Variants in FETUB observed in about 807,000 individuals in gnomAD.
FETUB encodes fetuin-B.
FETUB carries 28 observed loss-of-function variants against 30.9 expected under a neutral mutation model. The ratio of observed to expected loss-of-function variants is 0.90; its 90% CI spans 0.67 to 1.24. The LOEUF is 1.24. Ranked by LOEUF, FETUB falls within the 50% of genes most tolerant of loss-of-function variation. The pLI is 0.00. For missense variants in FETUB, 469 were observed against 455.3 expected (o/e 1.03, Z -0.27); for synonymous variants, 186 against 175.9 (o/e 1.06, Z -0.45).
At position 186,651,287 on chromosome 3, in the gene FETUB, T is replaced by C; in HGVS notation, c.766T>C (p.Phe256Leu). ...AAAGTTTGTCTCTGTGACTTGTGAC[T>C]TCTTTGAATCACAGGTATTTTTCAA... ...WEKFVSVTCD[F>L]FESQAPATGS... Residue 256 changes from phenylalanine to leucine, a missense_variant, in exon 6 of 7, where the codon TTC (phenylalanine) becomes CTC (leucine). Coordinates refer to ENST00000265029, the MANE Select transcript of FETUB (RefSeq NM_014375.3). 6.2e-7 allele frequency: 1 copy of C among 1,610,838 alleles called. No homozygotes were observed. Among genetic ancestry groups the C allele is most frequent in the African/African-American group, 1.3e-5 (1 of 75,002 alleles).
chr3:186,640,359 A>C, upstream of FETUB: 2 of 845,190 alleles, frequency 2.4e-6, no homozygotes, highest in Non-Finnish European at 3.9e-6. Context: ...TAGCCCTTCC[A>C]GTTGTAACAA....
chr3:186,642,605 G>A (rs369829663), intron 3 of FETUB, 47 bp downstream of exon 3: 1 of 1,167,742 alleles, frequency 8.6e-7, no homozygotes, highest in Non-Finnish European at 1.3e-6. Flanking sequence ...GGATGGAAAA[G>A]AGTACTTAAC....
intron 4 of FETUB, 107 bp from the exon 5 acceptor site, chr3:186,646,141 T>G (rs1717513845): frequency 2.7e-6 from 2 of 730,996 alleles, no homozygotes; most frequent in Non-Finnish European, 4.9e-6. Context: ...GCCTTGACAA[T>G]GCCTCTGGTG....
Position 186,644,940 on chromosome 3 carries a change from A to G in FETUB, c.594+20A>G. The G allele has an allele frequency of 3.8e-6, 6 of 1,597,840 alleles. No individual in the cohort carries two copies. The highest frequency in any genetic ancestry group is 4.3e-6 in the Non-Finnish European group (5 of 1,170,866). On this transcript the variant is annotated intron_variant, in intron 4 of 6. Transcript: ENST00000265029. ...AGCCAGGTAAGGCTAAAACTGCCCA[A>G]GCCAGTTACACAGTGTGTCTCATAA...
At chr3:186,648,960 C>T (rs989556487) in intron 5 of FETUB, among the ~76,000 whole-genome samples, 1 of 152,128 alleles carries the variant, frequency 6.6e-6, no homozygotes, top group African/African-American at 2.4e-5. Flanking sequence ...TTACTTCTCC[C>T]TTTTAAATCT....
Position 186,652,733 on chromosome 3 carries a change from T to TGGCTGAGTGCCCAGGGCCAGCCCA in FETUB, c.*103_*104insGCTGAGTGCCCAGGGCCAGCCCAG. 1 of 1,384,626 alleles carries TGGCTGAGTGCCCAGGGCCAGCCCA rather than the reference T, an allele frequency of 7.2e-7. No individual in the cohort carries two copies. 85.8% of individuals were successfully genotyped at this position (1,384,626 alleles called of 1,614,324 possible). Reference sequence around the variant, plus strand: ...GAGCGTGCACACGTAGAGTGGCTAGTGAAGGACGCCTTTTTGACTCTTCTT... The same window carrying TGGCTGAGTGCCCAGGGCCAGCCCA: ...GAGCGTGCACACGTAGAGTGGCTAGTGGCTGAGTGCCCAGGGCCAGCCCAGAAGGACGCCTTTTTGACTCTTCTT... On this transcript the variant is annotated 3_prime_UTR_variant, in exon 7 of 7. Transcript: ENST00000265029.
At chr3:186,643,593 T>C (rs1717249612) in intron 3 of FETUB, among the ~76,000 whole-genome samples, 1 of 152,202 alleles carries the variant, frequency 6.6e-6, no homozygotes, top group South Asian at 2.1e-4. Context: ...TTAAGGTTCC[T>C]GGTTGTGAAG....
In FETUB at chr3:186,640,510, G is replaced by T. The variant is rs1716945347; in HGVS notation, c.50G>T (p.Gly17Val). 6.2e-7 allele frequency: 1 copy of T among 1,614,216 alleles called. No homozygotes were observed. The highest frequency in any genetic ancestry group is 1.7e-5 in the Admixed American group (1 of 60,026). ...LALCILVLCC[G>V]AMSPPQLALN... ...CTCTGCATCCTAGTCCTGTGCTGCG[G>T]AGCAATGTCTCCACCCCAGCTGGCC... The change falls in exon 1 of 7, where the codon GGA becomes GTA. Residue 17 changes from glycine (G) to valine (V), a missense_variant. Physicochemically the swap from Gly to Val is moderately radical, Grantham distance 109. Coordinates refer to ENST00000265029, the MANE Select transcript of FETUB (RefSeq NM_014375.3).
At chr3:186,636,625 A>C (rs569482775), upstream of FETUB, among the ~76,000 whole-genome samples, 1 of 152,342 alleles carries the variant, frequency 6.6e-6, no homozygotes, top group Admixed American at 6.5e-5. Flanking sequence ...GGGAGATTCC[A>C]AACATAGGAT....
chr3:186,641,871 GA>G (rs1217515386), intron 2 of FETUB: 1 of 152,302 alleles, frequency 6.6e-6, no homozygotes, highest in Admixed American at 6.5e-5. Context: ...ACTTGATTTT[GA>G]AAAGTGAATA....
chr3:186,652,745 T>C lies in FETUB; in HGVS notation c.*114T>C. On this transcript the variant is annotated 3_prime_UTR_variant, in exon 7 of 7. Coordinates refer to ENST00000265029, the MANE Select transcript of FETUB (RefSeq NM_014375.3). ...GTAGAGTGGCTAGTGAAGGACGCCT[T>C]TTTGACTCTTCTTGGTCTCAGCATG... The C allele has an allele frequency of 7.8e-7, 1 of 1,274,388 alleles. No individual in the cohort carries two copies. The highest frequency in any genetic ancestry group is 1.1e-6 in the Non-Finnish European group (1 of 945,252). 78.9% of individuals were successfully genotyped at this position (1,274,388 alleles called of 1,614,324 possible).
intron 5 of FETUB, among the ~76,000 whole-genome samples, chr3:186,650,745 TCTAA>T (rs1199994214): frequency 6.6e-6 from 1 of 152,220 alleles, no homozygotes; most frequent in African/African-American, 2.4e-5. Context: ...TTATCTATAT[TCTAA>T]CTATTACATT....
intron 2 of FETUB, chr3:186,641,876 G>T (rs1717084537): frequency 6.6e-6 from 1 of 152,330 alleles, no homozygotes; most frequent in Admixed American, 6.5e-5. Context: ...ATTTTGAAAA[G>T]TGAATATCCT....
intron 5 of FETUB, 146 bp downstream of exon 5, chr3:186,646,495 A>G: frequency 1.5e-6 from 1 of 646,826 alleles, no homozygotes; most frequent in Non-Finnish European, 2.7e-6. Context: ...GAGATTAGAC[A>G]GATCCAGACT....
At chr3:186,649,771 CA>C (rs777952283) in intron 5 of FETUB, among the ~76,000 whole-genome samples, 10 of 152,160 alleles carry the variant, frequency 6.6e-5, no homozygotes, top group Non-Finnish European at 1.3e-4. Context: ...GCGCCCAGCT[CA>C]GGATGATATT....
chr3:186,649,763 G>A (rs534674547), intron 5 of FETUB, among the ~76,000 whole-genome samples: 6 of 152,270 alleles, frequency 3.9e-5, no homozygotes, highest in African/African-American at 7.2e-5. Flanking sequence ...GAGCCACTGC[G>A]CCCAGCTCAG....
chr3:186,640,176 G>A (rs1716920252), upstream of FETUB, among the ~76,000 whole-genome samples: 1 of 152,210 alleles, frequency 6.6e-6, no homozygotes, highest in East Asian at 1.9e-4. Context: ...CTAATCATAA[G>A]AGCCTTGAAC....
rs78581831 is a variant in FETUB at position 186,644,854 on chromosome 3, G to T, written c.528G>T (p.Ala176=). 2 of 1,613,772 alleles carry T rather than the reference G, an allele frequency of 1.2e-6. No individual in the cohort carries two copies. The highest frequency in any genetic ancestry group is 2.2e-5 in the South Asian group (2 of 91,066). ...QVLEAATESL[A]KYNNENTSKQ... ...TGGAGGCTGCCACCGAGTCTCTTGC[G>T]AAATACAACAATGAGAACACATCCA... is the stretch of plus-strand genomic sequence containing the variant. Residue 176 remains alanine, a synonymous_variant, in exon 4 of 7, where the codon GCG becomes GCT. Coordinates refer to ENST00000265029, the MANE Select transcript of FETUB (RefSeq NM_014375.3).
At chr3:186,639,655 T>TAA (rs5855107), upstream of FETUB, among the ~76,000 whole-genome samples, 10,717 of 129,344 alleles carry the variant, frequency 0.083, 681 homozygotes, top group East Asian at 0.17. Flanking sequence ...AAATAGAAGC[T>TAA]AAAAAAAAAA....
Sources: allele counts gnomAD v4.1 joint callset (sites outside exome capture counted in the v4.1 genomes callset), GRCh38; gene constraint gnomAD v4.1.1; transcripts MANE v1.5; gene names NCBI Gene and HGNC (gene_info 2026-07-23, HGNC 2026-07-21).